ALG13: variants seen among roughly 807,000 people sequenced by gnomAD.
ALG13 encodes UDP-N-acetylglucosamine transferase subunit ALG13.
Under a neutral mutation model 87.8 loss-of-function variants are expected in ALG13, and 11 were observed. The ratio of observed to expected loss-of-function variants is 0.13; its 90% CI spans 0.08 to 0.21. ALG13 has a LOEUF of 0.21. Among genes scored for constraint, ALG13 ranks in the 10% least tolerant of loss-of-function variants. The probability of loss-of-function intolerance (pLI) is 1.00; values close to 1 mark genes in which losing one functional copy is unlikely to be tolerated. For missense variants in ALG13, 756 were observed against 866.1 expected, an observed-to-expected ratio of 0.87 and a Z score of 1.60; for synonymous variants, 320 against 306.3, an observed-to-expected ratio of 1.04 and a Z score of -0.47.
intron 3 of ALG13, among the ~76,000 whole-genome samples, chrX:111,706,059 CT>C (rs1289509847): frequency 9.1e-4 from 96 of 104,974 alleles, no homozygotes; most frequent in East Asian, 2.4e-3. Context: ...ATTATAATCC[CT>C]TTTTTTTTTT....
chrX:111,682,338 A>AT (rs773919689), intron 2 of ALG13, 44 bp downstream of exon 2: 14 of 1,063,839 alleles, frequency 1.3e-5, no homozygotes, highest in South Asian at 1.0e-4. Flanking sequence ...TTTAATTTTA[A>AT]TTTTTTTTAA....
intron 21 of ALG13, among the ~76,000 whole-genome samples, chrX:111,733,192 A>G (rs1342574739): frequency 9.0e-6 from 1 of 111,487 alleles, no homozygotes; most frequent in Non-Finnish European, 1.9e-5. Flanking sequence ...GTTACAATGA[A>G]TAAGTTCTTT....
chrX:111,743,421 C>T (rs1943937544), intron 23 of ALG13, among the ~76,000 whole-genome samples: 2 of 111,998 alleles, frequency 1.8e-5, no homozygotes, highest in African/African-American at 6.5e-5. Context: ...TAAAAACTTA[C>T]TGTTTAATTT....
intron 16 of ALG13, 47 bp from the exon 17 acceptor site, chrX:111,727,285 G>A (rs1258803844): frequency 9.9e-7 from 1 of 1,006,473 alleles, no homozygotes; most frequent in East Asian, 3.1e-5. Context: ...TGACTACTTA[G>A]GTATTAGTGA....
At chrX:111,738,101 A>G (rs1943404864) in intron 23 of ALG13, among the ~76,000 whole-genome samples, 1 of 112,834 alleles carries the variant, frequency 8.9e-6, no homozygotes, top group Non-Finnish European at 1.9e-5. Context: ...AACTGTGACA[A>G]ACTATTTCAA....
At chrX:111,719,761 CTGCTACAT>C (rs1006744650) in intron 10 of ALG13, among the ~76,000 whole-genome samples, 3 of 111,882 alleles carry the variant, frequency 2.7e-5, no homozygotes, top group Admixed American at 1.9e-4. Flanking sequence ...ACCCTCAGCT[CTGCTACAT>C]TGCAGTGGTG....
chrX:111,695,222 T>G (rs1042600491), intron 3 of ALG13, among the ~76,000 whole-genome samples: 2 of 111,637 alleles, frequency 1.8e-5, no homozygotes, highest in African/African-American at 6.5e-5. Context: ...GCAGGTATCT[T>G]AAGTCAAAAA....
In ALG13 at chrX:111,681,213, C is replaced by T. The variant is rs764333083; in HGVS notation, c.-6C>T. ...CCTTGCGATCAGGGCTTGAGGAACC[C>T]GCGCCATGAAGTGCGTGTTTGTTAC... On this transcript the variant is annotated 5_prime_UTR_variant, in exon 1 of 27. Coordinates refer to ENST00000394780, the MANE Select transcript of ALG13 (RefSeq NM_001099922.3). 2 of 1,211,290 alleles carry T rather than the reference C, an allele frequency of 1.7e-6. No individual in the cohort carries two copies. Among genetic ancestry groups the T allele is most frequent in the Non-Finnish European group, 1.1e-6 (1 of 894,800 alleles).
intron 3 of ALG13, among the ~76,000 whole-genome samples, chrX:111,690,855 T>C (rs1936011848): frequency 9.0e-6 from 1 of 111,564 alleles, no homozygotes; most frequent in African/African-American, 3.3e-5. Context: ...TTTTCAAGAC[T>C]AAGTAATGAC....
rs1378936258 is a variant in ALG13, at chrX:111,760,393, G to GT, written c.*395dup. The GT allele has an allele frequency of 4.1e-5, 5 of 122,387 alleles. No individual in the cohort carries two copies. Among genetic ancestry groups the GT allele is most frequent in the Non-Finnish European group, 8.3e-5 (5 of 60,171 alleles). 10.1% of individuals were successfully genotyped at this position (122,387 alleles called of 1,213,427 possible). A position where few individuals can be genotyped will look rare whatever the true frequency, so the allele number is the denominator to read the frequency against. ...AGTAACTTCCACTTTTTTCTAGAAA[G>GT]TAAAACCAAGAGCCTTTGCTTCTGG... On this transcript the variant is annotated 3_prime_UTR_variant, in exon 27 of 27. Coordinates refer to ENST00000394780, the MANE Select transcript of ALG13 (RefSeq NM_001099922.3).
At chrX:111,705,513 G>A (rs1280613908) in intron 3 of ALG13, among the ~76,000 whole-genome samples, 2 of 110,688 alleles carry the variant, frequency 1.8e-5, no homozygotes, top group African/African-American at 6.6e-5. Flanking sequence ...TTTCTATTAT[G>A]TATCTGAGAA....
chrX:111,743,557 T>C (rs947197837), intron 23 of ALG13, among the ~76,000 whole-genome samples: 1 of 111,796 alleles, frequency 8.9e-6, no homozygotes, highest in African/African-American at 3.2e-5. Flanking sequence ...TTATCAAGTT[T>C]TACATCACCT....
At chrX:111,756,586 G>A (rs1440057201) in intron 25 of ALG13, among the ~76,000 whole-genome samples, 1 of 111,075 alleles carries the variant, frequency 9.0e-6, no homozygotes, top group Non-Finnish European at 1.9e-5. Flanking sequence ...TAGTCTTTCA[G>A]GGATCACTTT....
Position 111,759,943 on chromosome X carries a change from A to G in ALG13, c.3358A>G (p.Ile1120Val), listed in dbSNP as rs369167525. 1.5e-4 allele frequency: 178 copies of G among 1,208,598 alleles called. No homozygotes were observed. The African/African-American group carries it at 2.1e-3, about 14-fold the overall frequency. The change falls in exon 27 of 27, where the codon ATT becomes GTT. Residue 1120 changes from isoleucine to valine, a missense_variant. Around this residue, in one of 9 missense-constraint regions of ALG13, gnomAD observed 110 missense variants for 104.9 expected, o/e 1.05. Transcript: ENST00000394780. The stretch of plus-strand genomic sequence containing the variant: ...TCATGGTGCTATAAATCCTGGGCCA[A>G]TTGGCTGTATTGCTCCATCTCCCCC... ...QIHGAINPGP[I>V]GCIAPSPPAS...
At chrX:111,681,476 C>T in intron 1 of ALG13, 177 bp downstream of exon 1, 9 of 1,064,822 alleles carry the variant, frequency 8.5e-6, no homozygotes, top group African/African-American at 1.9e-5. Context: ...GGCCCTTCTC[C>T]GGCTACCCGG....
At chrX:111,682,374 G>T in intron 2 of ALG13, 80 bp downstream of exon 2, 1 of 809,020 alleles carries the variant, frequency 1.2e-6, no homozygotes, top group South Asian at 3.8e-5. Flanking sequence ...GGGGGTACAT[G>T]TGCAGGATGT....
At chrX:111,681,487 C>A in intron 1 of ALG13, 188 bp downstream of exon 1, 1 of 1,049,605 alleles carries the variant, frequency 9.5e-7, no homozygotes, top group Non-Finnish European at 1.2e-6. Flanking sequence ...GGCTACCCGG[C>A]CACTCGGGGT....
intron 3 of ALG13, among the ~76,000 whole-genome samples, chrX:111,702,525 A>G: frequency 9.0e-6 from 1 of 111,606 alleles, no homozygotes. Context: ...AAACTTTCCA[A>G]CAGAAGTGTA....
chrX:111,692,075 A>T (rs1936249689), intron 3 of ALG13, among the ~76,000 whole-genome samples: 1 of 111,253 alleles, frequency 9.0e-6, no homozygotes, highest in Admixed American at 9.6e-5. Flanking sequence ...TAATTCTGTA[A>T]GCACCTCAAA....
Sources: allele counts gnomAD v4.1 joint callset (sites outside exome capture counted in the v4.1 genomes callset), GRCh38; gene constraint gnomAD v4.1.1; regional missense constraint gnomAD v4.1.1; transcripts MANE v1.5; gene names NCBI Gene and HGNC (gene_info 2026-07-23, HGNC 2026-07-21).